Variants in MYZAP observed in about 807,000 individuals in gnomAD.
MYZAP encodes the protein GRINL1A complex locus upstream.
Under a neutral mutation model 69.4 loss-of-function variants are expected in MYZAP, and 66 were observed. That is an observed-to-expected ratio of 0.95 (90% CI 0.78 to 1.17). The LOEUF is 1.17. MYZAP is among the 50% of genes most tolerant of loss of function. The pLI is 0.00. For synonymous variants in MYZAP, 256 were observed against 205.9 expected (o/e 1.24, Z -2.09); for missense variants, 611 against 556.2 (o/e 1.10, Z -0.99).
intron 12 of MYZAP, among the ~76,000 whole-genome samples, chr15:57,679,432 G>A (rs1441377029): frequency 1.3e-5 from 2 of 150,196 alleles, no homozygotes; most frequent in African/African-American, 4.9e-5. Flanking sequence ...TGAGGGCAGG[G>A]ATTTTCATCT....
intron 6 of MYZAP, among the ~76,000 whole-genome samples, chr15:57,631,267 C>T (rs762954720): frequency 2.6e-5 from 4 of 152,038 alleles, no homozygotes; most frequent in Non-Finnish European, 4.4e-5. Flanking sequence ...CTGTTCAGTC[C>T]TGTTGGTTCC....
At chr15:57,642,027 A>T (rs67481415) in intron 10 of MYZAP, among the ~76,000 whole-genome samples, 7,190 of 152,308 alleles carry the variant, frequency 0.047, 259 homozygotes, top group African/African-American at 0.089. Flanking sequence ...CCACTGGGTG[A>T]CACTTTCAAA....
chr15:57,658,585 T>C (rs2038120539), intron 10 of MYZAP, among the ~76,000 whole-genome samples: 1 of 152,228 alleles, frequency 6.6e-6, no homozygotes, highest in Non-Finnish European at 1.5e-5. Context: ...ACATTCTGGA[T>C]TCGACTTTTT....
chr15:57,597,540 C>T (rs914182314), intron 1 of MYZAP, among the ~76,000 whole-genome samples: 38 of 152,108 alleles, frequency 2.5e-4, no homozygotes, highest in African/African-American at 8.7e-4. Flanking sequence ...GAGGGGGAGT[C>T]CTCGCACTCC....
At chr15:57,645,348 C>T (rs182925617) in intron 10 of MYZAP, among the ~76,000 whole-genome samples, 11 of 152,308 alleles carry the variant, frequency 7.2e-5, no homozygotes, top group African/African-American at 2.6e-4. Flanking sequence ...ATCTGGCTCT[C>T]TAGCCAGTTG....
intron 7 of MYZAP, among the ~76,000 whole-genome samples, chr15:57,633,387 G>A (rs1472269731): frequency 6.6e-6 from 1 of 152,046 alleles, no homozygotes; most frequent in East Asian, 1.9e-4. Flanking sequence ...AGGGAAAAAA[G>A]GGAAAAAAAT....
At chr15:57,604,392 A>G (rs1256904322) in intron 2 of MYZAP, 37 bp downstream of exon 2, 7 of 1,611,742 alleles carry the variant, frequency 4.3e-6, no homozygotes, top group Middle Eastern at 1.7e-4. Flanking sequence ...AACAAGTTCC[A>G]GCCTCTATAC....
intron 10 of MYZAP, among the ~76,000 whole-genome samples, chr15:57,640,555 C>G (rs1339100099): frequency 6.6e-6 from 1 of 152,046 alleles, no homozygotes; most frequent in East Asian, 1.9e-4. Flanking sequence ...ATATCTACTT[C>G]TAAGAAATAA....
chr15:57,661,896 A>G (rs2038327805), intron 11 of MYZAP, among the ~76,000 whole-genome samples: 1 of 152,210 alleles, frequency 6.6e-6, no homozygotes, highest in African/African-American at 2.4e-5. Context: ...CTGCAACTTT[A>G]AGAAAGGCAA....
intron 2 of MYZAP, among the ~76,000 whole-genome samples, chr15:57,617,297 T>C (rs1239001545): frequency 1.3e-5 from 2 of 152,110 alleles, no homozygotes; most frequent in African/African-American, 4.8e-5. Flanking sequence ...CTATAGTAGG[T>C]TTTCAACAAA....
Position 57,618,113 on chromosome 15 carries a change from A to C in MYZAP, c.243A>C (p.Gln81His). 1 of 1,614,238 alleles carries C rather than the reference A, an allele frequency of 6.2e-7. No individual in the cohort carries two copies. The part of the protein sequence containing the change: ...VVYGVVRRSD[Q>H]NQQKEMVVYG... ...ATGGTGTGGTGCGAAGATCAGATCA[A>C]AATCAGCAGAAAGAAATGGTGGTGT... The change falls in exon 3 of 13, where the codon CAA becomes CAC. Residue 81 changes from glutamine (Q) to histidine (H), a missense_variant. Gln to His is a conservative substitution (Grantham distance 24). Coordinates refer to ENST00000267853, the MANE Select transcript of MYZAP (RefSeq NM_001018100.5).
chr15:57,629,088 CA>C (rs1274144448), intron 5 of MYZAP, among the ~76,000 whole-genome samples: 26,929 of 115,974 alleles, frequency 0.23, 1,778 homozygotes, highest in East Asian at 0.27. Context: ...GTCTCAAAAA[CA>C]AAAAAAAAAA....
intron 10 of MYZAP, among the ~76,000 whole-genome samples, chr15:57,654,605 A>G (rs1159675319): frequency 2.6e-5 from 4 of 152,180 alleles, no homozygotes; most frequent in Non-Finnish European, 5.9e-5. Flanking sequence ...TTTCTCTCCA[A>G]GTTCAATACG....
In MYZAP at chr15:57,632,505, G is replaced by C. The variant is rs777165362; in HGVS notation, c.750G>C (p.Glu250Asp). Residue 250 changes from glutamate (E) to aspartate (D), a missense_variant, in exon 7 of 13, where the codon GAG becomes GAC. Coordinates refer to ENST00000267853, the MANE Select transcript of MYZAP (RefSeq NM_001018100.5). ...EMTKKLYSQY[E>D]EKLQEEQRKH... ...CCAAGAAGCTGTACAGCCAGTATGA[G>C]GAGAAGCTGCAGGAAGAACAGAGGA... is the stretch of plus-strand genomic sequence containing the variant. 1.9e-6 allele frequency: 3 copies of C among 1,614,232 alleles called. No homozygotes were observed. The South Asian group carries it at 3.3e-5, about 18-fold the overall frequency.
chr15:57,612,379 A>G (rs561258646), intron 2 of MYZAP, among the ~76,000 whole-genome samples: 39 of 152,284 alleles, frequency 2.6e-4, no homozygotes, highest in African/African-American at 8.9e-4. Context: ...GTTGAGCTGC[A>G]TTTCTGCTCT....
intron 10 of MYZAP, among the ~76,000 whole-genome samples, chr15:57,659,225 C>T (rs1045429214): frequency 6.6e-6 from 1 of 152,072 alleles, no homozygotes; most frequent in Non-Finnish European, 1.5e-5. Flanking sequence ...TCAGGCATAA[C>T]AAGGTATCTC....
chr15:57,647,819 C>A (rs2037519259), intron 10 of MYZAP: 2 of 985,318 alleles, frequency 2.0e-6, no homozygotes, highest in African/African-American at 3.5e-5. Context: ...CCTCAGCCTG[C>A]TCTTGTCTGC....
intron 11 of MYZAP, among the ~76,000 whole-genome samples, chr15:57,663,085 C>A (rs2038392133): frequency 6.6e-6 from 1 of 152,154 alleles, no homozygotes; most frequent in Non-Finnish European, 1.5e-5. Flanking sequence ...AGCACACCTT[C>A]CCCAGTAAGA....
intron 11 of MYZAP, among the ~76,000 whole-genome samples, chr15:57,663,188 G>A (rs568416747): frequency 6.6e-6 from 1 of 152,272 alleles, no homozygotes; most frequent in Non-Finnish European, 1.5e-5. Flanking sequence ...AGAGGCAGAA[G>A]GTCCCCCAAG....
Sources: allele counts gnomAD v4.1 joint callset (sites outside exome capture counted in the v4.1 genomes callset), GRCh38; gene constraint gnomAD v4.1.1; transcripts MANE v1.5; gene names NCBI Gene and HGNC (gene_info 2026-07-23, HGNC 2026-07-21).